CUL5: variants seen among roughly 807,000 people sequenced by gnomAD.
CUL5 encodes cullin 5.
A neutral mutation model predicts 108.8 loss-of-function variants in CUL5; 26 were observed. The ratio of observed to expected loss-of-function variants is 0.24; its 90% confidence interval spans 0.18 to 0.33. The LOEUF (loss-of-function observed/expected upper bound fraction) is 0.33, where lower values mean the gene tolerates loss of function less well. Among genes scored for constraint, CUL5 ranks in the 10% least tolerant of loss-of-function variants. The pLI is 1.00. For synonymous variants in CUL5, 334 were observed against 298.0 expected (o/e 1.12, Z -1.25); for missense variants, 524 against 909.2 (o/e 0.58, Z 5.45).
chr11:108,092,905 C>A (rs1864392791), intron 13 of CUL5, among the ~76,000 whole-genome samples: 1 of 152,134 alleles, frequency 6.6e-6, no homozygotes, highest in Non-Finnish European at 1.5e-5. Flanking sequence ...CAACTTCTGC[C>A]ACCCAGGTTC....
intron 8 of CUL5, among the ~76,000 whole-genome samples, chr11:108,071,096 T>C (rs942769430): frequency 1.3e-5 from 2 of 152,256 alleles, no homozygotes; most frequent in Non-Finnish European, 2.9e-5. Context: ...AAAAATTATT[T>C]ATGAATACAG....
At chr11:108,025,582 T>C (rs1019432308) in intron 1 of CUL5, among the ~76,000 whole-genome samples, 1 of 152,160 alleles carries the variant, frequency 6.6e-6, no homozygotes, top group Non-Finnish European at 1.5e-5. Flanking sequence ...CCTGGCACTT[T>C]AAAGGGTGTT....
chr11:108,053,449 C>T (rs77644325), intron 5 of CUL5, among the ~76,000 whole-genome samples: 325 of 152,132 alleles, frequency 2.1e-3, no homozygotes, highest in African/African-American at 7.3e-3. Flanking sequence ...CTTCATGGCC[C>T]CCATATTCTT....
rs983911222 is a variant in CUL5 at position 108,097,897 on chromosome 11, A to G, written c.2024+143A>G. 1.6e-5 allele frequency: 9 copies of G among 549,408 alleles called. No homozygotes were observed. The Admixed American group carries it at 2.9e-4, about 17-fold the overall frequency. The allele number at this position is 549,408 out of a possible 1,614,324, so 34.0% of individuals were successfully genotyped here. On this transcript the variant is annotated intron_variant, in intron 17 of 18. Transcript: ENST00000393094. ...CTAAACTTACATCATTTAGTTGTTT[A>G]TGGAAAATATTAATCAGATGTTTAC...
chr11:108,010,593 T>G (rs998779812), intron 1 of CUL5, among the ~76,000 whole-genome samples: 1 of 152,240 alleles, frequency 6.6e-6, no homozygotes. Flanking sequence ...CAGTAGCGCC[T>G]GTATCATAGG....
chr11:108,066,497 AC>A (rs1388948666), intron 7 of CUL5, among the ~76,000 whole-genome samples: 2 of 152,090 alleles, frequency 1.3e-5, no homozygotes, highest in Non-Finnish European at 2.9e-5. Context: ...TCACTCTGTT[AC>A]TTTTTTTTTT....
chr11:108,098,829 C>A (rs1864566585), intron 18 of CUL5, among the ~76,000 whole-genome samples: 1 of 151,862 alleles, frequency 6.6e-6, no homozygotes, highest in South Asian at 2.1e-4. Context: ...CAAAAAAGTT[C>A]TCTAATATTC....
intron 15 of CUL5, 82 bp downstream of exon 15, chr11:108,095,069 A>G: frequency 8.1e-7 from 1 of 1,231,286 alleles, no homozygotes; most frequent in Non-Finnish European, 1.1e-6. Flanking sequence ...TAAACAAAAT[A>G]GATTTTTGCC....
chr11:108,072,545 A>G (rs1376503822), intron 9 of CUL5, 83 bp downstream of exon 9: 2 of 1,226,946 alleles, frequency 1.6e-6, no homozygotes, highest in Non-Finnish European at 2.3e-6. Context: ...GTGAGCGGTT[A>G]CCAGAGGCTG....
intron 7 of CUL5, among the ~76,000 whole-genome samples, chr11:108,065,249 T>G (rs1221878936): frequency 3.3e-5 from 5 of 152,102 alleles, no homozygotes; most frequent in Non-Finnish European, 5.9e-5. Context: ...ATGGTCTCTC[T>G]CCTGACCTCA....
In CUL5 at chr11:108,055,030, A is replaced by G. The variant is rs1231089256; in HGVS notation, c.780+75A>G. On this transcript the variant is annotated intron_variant, in intron 7 of 18. Coordinates refer to ENST00000393094, the MANE Select transcript of CUL5 (RefSeq NM_003478.6). ...AGCATAGGAATGGCAAATAAACAAC[A>G]TAAATAATATTATTTAACAACCAAC... The G allele has an allele frequency of 5.9e-6, 6 of 1,017,354 alleles. No individual in the cohort carries two copies. The African/African-American group carries it at 9.8e-5, about 17-fold the overall frequency. 63.0% of individuals were successfully genotyped at this position (1,017,354 alleles called of 1,614,324 possible).
chr11:108,065,353 T>C (rs1186268680), intron 7 of CUL5, among the ~76,000 whole-genome samples: 3 of 152,142 alleles, frequency 2.0e-5, no homozygotes, highest in Non-Finnish European at 4.4e-5. Flanking sequence ...TCTATCTCAT[T>C]ATTTGTTATT....
At chr11:108,079,640 T>G in intron 11 of CUL5, among the ~76,000 whole-genome samples, 1 of 152,220 alleles carries the variant, frequency 6.6e-6, no homozygotes, top group East Asian at 1.9e-4. Context: ...GCATAAATCT[T>G]AAGTGTACAT....
At chr11:108,011,660 G>T (rs545198780) in intron 1 of CUL5, among the ~76,000 whole-genome samples, 2 of 150,702 alleles carry the variant, frequency 1.3e-5, no homozygotes, top group East Asian at 1.9e-4. Context: ...ACGGAGTCTC[G>T]CTCTGTTGCC....
chr11:108,076,192 T>C (rs937967415), intron 10 of CUL5, among the ~76,000 whole-genome samples: 2 of 151,790 alleles, frequency 1.3e-5, no homozygotes, highest in Non-Finnish European at 2.9e-5. Context: ...ACCACTATGT[T>C]TGGCTAATTT....
chr11:108,073,404 C>A lies in CUL5; in HGVS notation c.1020C>A (p.Tyr340Ter). ...AETITTDSEK[Y>*]VEQLLTLFNR... is the part of the protein sequence containing the mutation. Reference sequence around the variant, plus strand: ...TTTGTTTCTAGGACTCTGAGAAATACGTTGAGCAGTTACTTACACTATTTA... The same window carrying A: ...TTTGTTTCTAGGACTCTGAGAAATAAGTTGAGCAGTTACTTACACTATTTA... Residue 340 changes from tyrosine to a stop codon, truncating the protein, a stop_gained, in exon 10 of 19, where the codon TAC becomes TAA. Coordinates refer to ENST00000393094, the MANE Select transcript of CUL5 (RefSeq NM_003478.6). LOFTEE classifies it high-confidence loss of function. 1 of 1,546,304 alleles carries A rather than the reference C, an allele frequency of 6.5e-7. No individual in the cohort carries two copies. Among genetic ancestry groups the A allele is most frequent in the East Asian group, 2.3e-5 (1 of 44,130 alleles).
At chr11:108,081,286 TCAACAA>T (rs553258015) in intron 11 of CUL5, among the ~76,000 whole-genome samples, 1 of 152,134 alleles carries the variant, frequency 6.6e-6, no homozygotes, top group African/African-American at 2.4e-5. Context: ...AGACTTCGTC[TCAACAA>T]CAACAACAAG....
At chr11:108,013,008 T>G (rs897011350) in intron 1 of CUL5, among the ~76,000 whole-genome samples, 5 of 152,200 alleles carry the variant, frequency 3.3e-5, no homozygotes, top group Non-Finnish European at 7.3e-5. Flanking sequence ...GCCCTTTAAC[T>G]TAATGATATG....
Position 108,095,545 on chromosome 11 carries a change from G to A in CUL5, c.1759G>A (p.Glu587Lys). Residue 587 changes from glutamate (E) to lysine (K), a missense_variant, in exon 16 of 19, where the codon GAA (glutamate) becomes AAA (lysine). This residue lies in a region of CUL5 where 64 missense variants were observed against 152.0 expected (regional missense o/e 0.42). Transcript: ENST00000393094. ...MSNGIITFKNEVGQYDLEVTT... is the reference protein window; with the variant it reads ...MSNGIITFKNKVGQYDLEVTT... The stretch of plus-strand genomic sequence containing the variant: ...TCTATTATAGATAACATTTAAGAAT[G>A]AAGTTGGTCAATATGATTTGGAGGT... 1 of 1,606,292 alleles carries A rather than the reference G, an allele frequency of 6.2e-7. No individual in the cohort carries two copies. Among genetic ancestry groups the A allele is most frequent in the Non-Finnish European group, 8.5e-7 (1 of 1,174,674 alleles).
Sources: allele counts gnomAD v4.1 joint callset (sites outside exome capture counted in the v4.1 genomes callset), GRCh38; gene constraint gnomAD v4.1.1; regional missense constraint gnomAD v4.1.1; transcripts MANE v1.5; gene names NCBI Gene and HGNC (gene_info 2026-07-23, HGNC 2026-07-21).